Variants in PDE7A observed in about 807,000 individuals in gnomAD.
PDE7A encodes high affinity 3',5'-cyclic-AMP phosphodiesterase 7A.
In PDE7A, 39 loss-of-function variants were observed where a neutral mutation model predicts 64.3. The ratio of observed to expected loss-of-function variants is 0.61; its 90% CI spans 0.47 to 0.79. The LOEUF is 0.79. PDE7A is among the 30% of genes least tolerant of loss of function. The pLI is 0.00. For missense variants in PDE7A, 470 were observed against 582.8 expected (o/e 0.81, Z 1.99); for synonymous variants, 203 against 206.8 (o/e 0.98, Z 0.16).
intron 1 of PDE7A, among the ~76,000 whole-genome samples, chr8:65,814,088 C>T (rs1810320445): frequency 6.6e-6 from 1 of 151,908 alleles, no homozygotes; most frequent in Non-Finnish European, 1.5e-5. Context: ...AAGACCTTGG[C>T]TTACATAACC....
intron 7 of PDE7A, among the ~76,000 whole-genome samples, chr8:65,732,249 T>A (rs1460034245): frequency 2.6e-5 from 4 of 152,150 alleles, no homozygotes; most frequent in Non-Finnish European, 5.9e-5. Flanking sequence ...TTCACCAGCC[T>A]CGGCCTCCCA....
intron 1 of PDE7A, among the ~76,000 whole-genome samples, chr8:65,839,729 C>T (rs998762663): frequency 6.6e-6 from 1 of 151,998 alleles, no homozygotes; most frequent in African/African-American, 2.4e-5. Flanking sequence ...CCCATTTAAA[C>T]CTAAGGCTGG....
At chr8:65,835,562 A>C (rs927845423) in intron 1 of PDE7A, among the ~76,000 whole-genome samples, 1 of 152,182 alleles carries the variant, frequency 6.6e-6, no homozygotes, top group African/African-American at 2.4e-5. Context: ...TCAGAAAACA[A>C]CACAATTCTC....
At chr8:65,810,463 T>C (rs991289728) in intron 1 of PDE7A, among the ~76,000 whole-genome samples, 2 of 152,174 alleles carry the variant, frequency 1.3e-5, no homozygotes, top group African/African-American at 4.8e-5. Context: ...AACCTGCATG[T>C]TGTGCACATA....
intron 3 of PDE7A, among the ~76,000 whole-genome samples, chr8:65,776,907 A>T (rs1809275414): frequency 1.3e-5 from 2 of 152,228 alleles, no homozygotes; most frequent in South Asian, 4.1e-4. Flanking sequence ...AGGAAAGATG[A>T]TGAAAGATAT....
chr8:65,840,425 C>CAT (rs1811053578), intron 1 of PDE7A, among the ~76,000 whole-genome samples: 1 of 151,418 alleles, frequency 6.6e-6, no homozygotes, highest in Non-Finnish European at 1.5e-5. Context: ...CACACACACA[C>CAT]ACACACCTTG....
At chr8:65,757,934 T>C (rs1808314531) in intron 3 of PDE7A, among the ~76,000 whole-genome samples, 1 of 152,218 alleles carries the variant, frequency 6.6e-6, no homozygotes, top group Non-Finnish European at 1.5e-5. Context: ...AGACTTTTAA[T>C]GTAATATTTG....
chr8:65,769,015 A>C (rs1347730134), intron 3 of PDE7A, among the ~76,000 whole-genome samples: 1 of 152,172 alleles, frequency 6.6e-6, no homozygotes, highest in Admixed American at 6.5e-5. Flanking sequence ...TGGAAGGCTG[A>C]GGTAGGCAGA....
intron 5 of PDE7A, among the ~76,000 whole-genome samples, chr8:65,744,225 CAA>C (rs1416818902): frequency 6.7e-6 from 1 of 150,254 alleles, no homozygotes; most frequent in African/African-American, 2.5e-5. Context: ...CAAAACAAAA[CAA>C]AACAAAACAA....
intron 1 of PDE7A, among the ~76,000 whole-genome samples, chr8:65,790,350 G>A (rs747887055): frequency 2.6e-5 from 4 of 152,138 alleles, no homozygotes; most frequent in Non-Finnish European, 4.4e-5. Context: ...AGGGAGGTGG[G>A]GTAGGGGCTG....
chr8:65,802,705 C>A (rs191558944), intron 1 of PDE7A, among the ~76,000 whole-genome samples: 1 of 152,186 alleles, frequency 6.6e-6, no homozygotes, highest in African/African-American at 2.4e-5. Context: ...ATAAAGTCAT[C>A]AATTAAAACT....
intron 3 of PDE7A, among the ~76,000 whole-genome samples, chr8:65,751,031 C>A (rs1807928520): frequency 6.6e-6 from 1 of 152,140 alleles, no homozygotes; most frequent in African/African-American, 2.4e-5. Context: ...CCACCCTTAT[C>A]AATTACTGAT....
chr8:65,751,292 T>G (rs1461103060), intron 3 of PDE7A, among the ~76,000 whole-genome samples: 1 of 152,178 alleles, frequency 6.6e-6, no homozygotes, highest in African/African-American at 2.4e-5. Flanking sequence ...CTGGTTTGAT[T>G]TTTTTCATTA....
At chr8:65,763,776 T>C (rs1391049947) in intron 3 of PDE7A, among the ~76,000 whole-genome samples, 1 of 152,232 alleles carries the variant, frequency 6.6e-6, no homozygotes, top group Non-Finnish European at 1.5e-5. Context: ...CTTAATGCAG[T>C]TCCTTCAAAA....
chr8:65,719,181 C>T lies in PDE7A; in HGVS notation c.*109G>A. 1.4e-6 allele frequency: 1 copy of T among 714,572 alleles called. No individual in the cohort carries two copies. Among genetic ancestry groups the T allele is most frequent in the Non-Finnish European group, 2.5e-6 (1 of 400,660 alleles). 44.3% of individuals were successfully genotyped at this position (714,572 alleles called of 1,614,324 possible). ...GGAAATAAATAATGCTGGCTGGCAT[C>T]ACTCACTTGGAAACCTTGGCAGTCA... On this transcript the variant is annotated 3_prime_UTR_variant, in exon 13 of 13. Transcript: ENST00000401827.
At chr8:65,821,516 C>T (rs79761659) in intron 1 of PDE7A, among the ~76,000 whole-genome samples, 6,782 of 152,148 alleles carry the variant, frequency 0.045, 528 homozygotes, top group African/African-American at 0.15. Flanking sequence ...TATTCCCCAA[C>T]GATTAAACTT....
intron 1 of PDE7A, among the ~76,000 whole-genome samples, chr8:65,818,246 T>A (rs1810462383): frequency 6.6e-6 from 1 of 152,174 alleles, no homozygotes; most frequent in Non-Finnish European, 1.5e-5. Context: ...TGCGTCACCC[T>A]CTGTTTCTTT....
chr8:65,771,097 A>T (rs968021123), intron 3 of PDE7A: 6 of 331,832 alleles, frequency 1.8e-5, no homozygotes, highest in Non-Finnish European at 3.6e-5. Flanking sequence ...TGGCATCTAC[A>T]TAATAAAATG....
At chr8:65,816,995 A>G (rs568868920) in intron 1 of PDE7A, among the ~76,000 whole-genome samples, 1 of 152,178 alleles carries the variant, frequency 6.6e-6, no homozygotes, top group Admixed American at 6.5e-5. Context: ...GCTCTGTTCA[A>G]TTTTCTTCCA....
Sources: allele counts gnomAD v4.1 joint callset (sites outside exome capture counted in the v4.1 genomes callset), GRCh38; gene constraint gnomAD v4.1.1; transcripts MANE v1.5; gene names NCBI Gene and HGNC (gene_info 2026-07-23, HGNC 2026-07-21).